Variants in VCAN observed in about 807,000 individuals in gnomAD.
VCAN encodes the protein versican.
A neutral mutation model predicts 245.5 loss-of-function variants in VCAN; 44 were observed. The observed-to-expected ratio is 0.18, with a 90% CI of 0.14 to 0.23. VCAN has a LOEUF of 0.23. VCAN is among the 10% of genes least tolerant of loss of function. VCAN has a pLI of 1.00. For synonymous variants in VCAN, 1,413 were observed against 1,437.0 expected (o/e 0.98, Z 0.38); for missense variants, 3,793 against 4,057.9 (o/e 0.93, Z 1.77).
At chr5:83,498,173 T>G (rs1745218904) in intron 5 of VCAN, among the ~76,000 whole-genome samples, 2 of 152,322 alleles carry the variant, frequency 1.3e-5, no homozygotes, top group East Asian at 3.9e-4. Context: ...AGGCCTATAC[T>G]GTGGGCACTC....
intron 9 of VCAN, among the ~76,000 whole-genome samples, chr5:83,545,994 C>A (rs1427359221): frequency 2.0e-5 from 3 of 152,072 alleles, no homozygotes; most frequent in African/African-American, 7.2e-5. Flanking sequence ...GTATAAAAAT[C>A]TTTTTAGAAA....
intron 7 of VCAN, among the ~76,000 whole-genome samples, chr5:83,524,739 C>T (rs988459845): frequency 2.6e-5 from 4 of 152,074 alleles, no homozygotes; most frequent in Non-Finnish European, 4.4e-5. Context: ...TATCCTCCAA[C>T]ATTTTGAGCT....
intron 7 of VCAN, chr5:83,536,437 A>G (rs958342323): frequency 2.0e-5 from 3 of 152,198 alleles, no homozygotes; most frequent in Admixed American, 2.0e-4. Flanking sequence ...TTGTTTTTCC[A>G]TAAAACAGTC....
Position 83,580,301 on chromosome 5 carries a change from A to G in VCAN, c.10064-6A>G. On this transcript the variant is annotated splice_polypyrimidine_tract_variant and splice_region_variant and intron_variant, in intron 14 of 14. Transcript: ENST00000265077. ...TTTCTTTTTTTCTTTCTTTCCTTCC[A>G]TGTAGCATCTGCATACCAAAGGACT... The G allele has an allele frequency of 6.2e-7, 1 of 1,613,846 alleles. No homozygotes were observed. Among genetic ancestry groups the G allele is most frequent in the Non-Finnish European group, 8.5e-7 (1 of 1,179,950 alleles).
rs1468642692 is a variant in VCAN, at chr5:83,521,348, G to A, written c.3042G>A (p.Ala1014=). ...TCATTGATCAGACTCGCCTTGAAGC[G>A]ACTATTTCTCCAGAAACTATGAGAA... ...ILVIDQTRLE[A]TISPETMRTT... Residue 1014 remains alanine, a synonymous_variant, in exon 7 of 15, where the codon GCG becomes GCA. Transcript: ENST00000265077. 7 of 1,614,044 alleles carry A rather than the reference G, an allele frequency of 4.3e-6. No individual in the cohort carries two copies. The highest frequency in any genetic ancestry group is 5.1e-6 in the Non-Finnish European group (6 of 1,179,978).
chr5:83,570,139 T>C (rs1175006538), intron 12 of VCAN, among the ~76,000 whole-genome samples: 3 of 152,096 alleles, frequency 2.0e-5, no homozygotes, highest in Non-Finnish European at 4.4e-5. Flanking sequence ...GTGTGGTCCC[T>C]TGAGCATCTT....
intron 5 of VCAN, among the ~76,000 whole-genome samples, chr5:83,505,510 G>C (rs1026919031): frequency 1.3e-5 from 2 of 152,182 alleles, no homozygotes; most frequent in Non-Finnish European, 2.9e-5. Flanking sequence ...GATGCAAGAG[G>C]TAGGTTCTTA....
At position 83,540,050 on chromosome 5, in the gene VCAN, C is replaced by G; in HGVS notation, c.7047C>G (p.Leu2349=). Residue 2349 remains leucine (L), a synonymous_variant, in exon 8 of 15, where the codon CTC becomes CTG. Transcript: ENST00000265077. ...CAGAAGGACCCACGGTGGCACCTCT[C>G]CCTTTCTCCACGGACATCGGACATC... ...TGAEGPTVAP[L]PFSTDIGHPQ... The G allele has an allele frequency of 6.2e-7, 1 of 1,614,066 alleles. No individual in the cohort carries two copies.
Position 83,521,558 on chromosome 5 carries a change from T to G in VCAN, c.3252T>G (p.Ser1084=). ...CTGAAGATGAATTGTTGACAGGTTCTGAGAGGGTCCCAGTTTTAGAAACAA... is the reference window on the plus strand; with the variant it reads ...CTGAAGATGAATTGTTGACAGGTTCGGAGAGGGTCCCAGTTTTAGAAACAA... ...TVSEDELLTG[S]ERVPVLETTP... Residue 1084 remains serine (S), a synonymous_variant, in exon 7 of 15, where the codon TCT becomes TCG. Transcript: ENST00000265077. 1.2e-6 allele frequency: 2 copies of G among 1,614,054 alleles called. No homozygotes were observed. The highest frequency in any genetic ancestry group is 1.7e-6 in the Non-Finnish European group (2 of 1,180,004).
chr5:83,545,046 A>G (rs1291301473), intron 8 of VCAN: 1 of 196,328 alleles, frequency 5.1e-6, no homozygotes, highest in Non-Finnish European at 1.1e-5. Context: ...ACTTTCGAAG[A>G]AAAACAGTTT....
intron 2 of VCAN, among the ~76,000 whole-genome samples, 193 bp from the exon 3 acceptor site, chr5:83,489,899 AATGAGC>A (rs1744916000): frequency 6.6e-6 from 1 of 152,120 alleles, no homozygotes; most frequent in Non-Finnish European, 1.5e-5. Flanking sequence ...TATATAAAGA[AATGAGC>A]ATTATTAATC....
intron 6 of VCAN, among the ~76,000 whole-genome samples, chr5:83,516,327 T>C (rs532918426): frequency 1.6e-4 from 25 of 152,328 alleles, no homozygotes; most frequent in Non-Finnish European, 3.5e-4. Flanking sequence ...GTAATTTCAC[T>C]GCTCCAATCT....
rs1341877237 is a variant in VCAN, at chr5:83,580,300, C to A, written c.10064-7C>A. On this transcript the variant is annotated splice_polypyrimidine_tract_variant and splice_region_variant and intron_variant, in intron 14 of 14. Transcript: ENST00000265077. ...TTTTCTTTTTTTCTTTCTTTCCTTC[C>A]ATGTAGCATCTGCATACCAAAGGAC... The A allele has an allele frequency of 5.6e-6, 9 of 1,613,776 alleles. No homozygotes were observed. Among genetic ancestry groups the A allele is most frequent in the Non-Finnish European group, 7.6e-6 (9 of 1,179,960 alleles).
chr5:83,517,830 A>C (rs768621204), intron 6 of VCAN, among the ~76,000 whole-genome samples: 1 of 152,202 alleles, frequency 6.6e-6, no homozygotes, highest in Non-Finnish European at 1.5e-5. Context: ...TAGCCCTCAA[A>C]TGTTCATGAT....
Position 83,538,741 on chromosome 5 carries a change from GA to G in VCAN, c.5739del (p.Glu1914AsnfsTer8). 1 of 1,614,058 alleles carries G rather than the reference GA, an allele frequency of 6.2e-7. No homozygotes were observed. The highest frequency in any genetic ancestry group is 1.1e-5 in the South Asian group (1 of 91,080). Reference sequence around the variant, plus strand: ...GAAATAGTGATTTCAGAGCGATTAGGAGAACCAAATTATGGGGCAGAAATAA... The same window carrying G: ...GAAATAGTGATTTCAGAGCGATTAGGGAACCAAATTATGGGGCAGAAATAA... ...SREIVISERLGEPNYGAEIRG... is the reference protein window; with the variant it reads ...SREIVISERLXEPNYGAEIRG... On this transcript the variant is annotated frameshift_variant, in exon 8 of 15. Coordinates refer to ENST00000265077, the MANE Select transcript of VCAN (RefSeq NM_004385.5). LOFTEE classifies it high-confidence loss of function.
At chr5:83,558,937 TATTAAG>T (rs750328789) in intron 12 of VCAN, among the ~76,000 whole-genome samples, 83 of 152,304 alleles carry the variant, frequency 5.4e-4, no homozygotes, top group Middle Eastern at 3.4e-3. Flanking sequence ...TTGTGATTTA[TATTAAG>T]ATTATTTCTT....
Position 83,519,708 on chromosome 5 carries a change from CATT to C in VCAN, c.1405_1407del (p.Tyr469del). On this transcript the variant is annotated inframe_deletion, in exon 7 of 15. Coordinates refer to ENST00000265077, the MANE Select transcript of VCAN (RefSeq NM_004385.5). ...GCTCCAGAGTACAACTGGCGTCTCTCATTATGCTACGGATTCATGGGATGGTGT... is the reference window on the plus strand; with the variant it reads ...GCTCCAGAGTACAACTGGCGTCTCTCATGCTACGGATTCATGGGATGGTGT... 6.2e-7 allele frequency: 1 copy of C among 1,614,172 alleles called. No homozygotes were observed. Among genetic ancestry groups the C allele is most frequent in the South Asian group, 1.1e-5 (1 of 91,084 alleles).
intron 12 of VCAN, among the ~76,000 whole-genome samples, chr5:83,569,316 C>A (rs1748196791): frequency 1.3e-5 from 2 of 152,220 alleles, no homozygotes; most frequent in African/African-American, 4.8e-5. Context: ...TCTGTCTCAC[C>A]TATTTGCTAG....
At chr5:83,569,084 T>C (rs911906622) in intron 12 of VCAN, among the ~76,000 whole-genome samples, 1 of 152,238 alleles carries the variant, frequency 6.6e-6, no homozygotes, top group Non-Finnish European at 1.5e-5. Flanking sequence ...TATATCATAA[T>C]TTATTGAACA....
Sources: gnomAD v4.1 joint callset for allele counts (sites outside exome capture counted in the v4.1 genomes callset) on GRCh38, gnomAD v4.1.1 for gene constraint, MANE v1.5 for transcripts, NCBI Gene and HGNC (gene_info 2026-07-23, HGNC 2026-07-21) for gene names.